C16orf78: variants seen among roughly 807,000 people sequenced by gnomAD.
C16orf78 encodes chromosome 16 open reading frame 78, also known as uncharacterized protein C16orf78.
In C16orf78, 19 loss-of-function variants were observed where a neutral mutation model predicts 27.3. The ratio of observed to expected loss-of-function variants is 0.70; its 90% CI spans 0.49 to 1.02. The LOEUF is 1.02. C16orf78 is among the 50% of genes least tolerant of loss of function. The pLI, the probability that C16orf78 is intolerant of heterozygous loss-of-function variation, is 0.00. For synonymous variants in C16orf78, 130 were observed against 116.1 expected, an observed-to-expected ratio of 1.12 and a Z score of -0.77; for missense variants, 339 against 337.0, an observed-to-expected ratio of 1.01 and a Z score of -0.05.
At chr16:49,397,167 G>C (rs921134927) in intron 4 of C16orf78, among the ~76,000 whole-genome samples, 1 of 152,118 alleles carries the variant, frequency 6.6e-6, no homozygotes, top group Non-Finnish European at 1.5e-5. Context: ...TTCCCAAAGA[G>C]TCTCCCTTCT....
At chr16:49,389,484 T>C (rs1965387898) in intron 3 of C16orf78, among the ~76,000 whole-genome samples, 1 of 150,816 alleles carries the variant, frequency 6.6e-6, no homozygotes. Context: ...TAATCCCAGC[T>C]ACTCAGGAGG....
chr16:49,399,002 T>C, intron 4 of C16orf78, 129 bp from the exon 5 acceptor site: 1 of 988,572 alleles, frequency 1.0e-6, no homozygotes, highest in South Asian at 1.6e-5. Flanking sequence ...GCTCCATGGA[T>C]GACTGGGAGA....
intron 4 of C16orf78, among the ~76,000 whole-genome samples, chr16:49,397,069 C>T (rs1965484890): frequency 6.6e-6 from 1 of 152,204 alleles, no homozygotes; most frequent in African/African-American, 2.4e-5. Context: ...AGCCACCATC[C>T]TCAGTGACCT....
At position 49,399,381 on chromosome 16, in the gene C16orf78, C is replaced by A; in HGVS notation, c.*103C>A. On this transcript the variant is annotated 3_prime_UTR_variant, in exon 5 of 5. Transcript: ENST00000299191. Reference sequence around the variant, plus strand: ...TACAAGTGGTCCTTCCAACTTAGTGCATCCCTTTAGAAAGTAAGCAATCAG... The same window carrying A: ...TACAAGTGGTCCTTCCAACTTAGTGAATCCCTTTAGAAAGTAAGCAATCAG... The A allele has an allele frequency of 7.4e-7, 1 of 1,360,498 alleles. No individual in the cohort carries two copies. Among genetic ancestry groups the A allele is most frequent in the Non-Finnish European group, 1.0e-6 (1 of 986,224 alleles). 84.3% of individuals were successfully genotyped at this position (1,360,498 alleles called of 1,614,324 possible). A position where few individuals can be genotyped will look rare whatever the true frequency, so the allele number is the denominator to read the frequency against.
intron 1 of C16orf78, among the ~76,000 whole-genome samples, chr16:49,375,307 T>C (rs1478611897): frequency 6.6e-6 from 1 of 151,828 alleles, no homozygotes; most frequent in East Asian, 1.9e-4. Context: ...TACAAAGAAA[T>C]ACCTGAGACT....
At chr16:49,377,548 C>G (rs1236411544) in intron 1 of C16orf78, among the ~76,000 whole-genome samples, 183 bp from the exon 2 acceptor site, 2 of 152,082 alleles carry the variant, frequency 1.3e-5, no homozygotes, top group South Asian at 4.2e-4. Flanking sequence ...CTGGGGGCGG[C>G]GACATGTATA....
chr16:49,391,831 G>A (rs1965416201), intron 3 of C16orf78, among the ~76,000 whole-genome samples: 1 of 152,098 alleles, frequency 6.6e-6, no homozygotes, highest in African/African-American at 2.4e-5. Context: ...TTTCTCCAAG[G>A]AATTTCCTTA....
chr16:49,381,553 C>T (rs1965287732), intron 3 of C16orf78, among the ~76,000 whole-genome samples: 1 of 151,756 alleles, frequency 6.6e-6, no homozygotes, highest in Non-Finnish European at 1.5e-5. Flanking sequence ...ACAATGAACT[C>T]AAACAAATTT....
Position 49,377,838 on chromosome 16 carries a change from G to C in C16orf78, c.258G>C (p.Glu86Asp). Residue 86 changes from glutamate (E) to aspartate (D), a missense_variant, in exon 2 of 5, where the codon GAG becomes GAC. Physicochemically the swap from Glu to Asp is conservative, Grantham distance 45. Transcript: ENST00000299191. The stretch of plus-strand genomic sequence containing the variant: ...GGGGAGGGAACCGCAGGGACACGGA[G>C]ACTTCCCAGCAGGTAATGCAGCCCC... Reference protein sequence around the residue: ...TARGGNRRDTETSQQALGKRF... With the variant: ...TARGGNRRDTDTSQQALGKRF... The C allele has an allele frequency of 6.3e-7, 1 of 1,576,526 alleles. No homozygotes were observed. Among genetic ancestry groups the C allele is most frequent in the Non-Finnish European group, 8.6e-7 (1 of 1,159,846 alleles).
rs917525747 is a variant in C16orf78 at position 49,390,973 on chromosome 16, G to T, written c.395-5450G>T. ...GGATCACTTCCCTGTGTTGTGTGTT[G>T]TCCGATGTCTTAAAACCGCTATTTC... On this transcript the variant is annotated intron_variant, in intron 3 of 4. Coordinates refer to ENST00000299191, the MANE Select transcript of C16orf78 (RefSeq NM_144602.4). 1.6e-4 allele frequency among the ~76,000 whole-genome samples: 24 copies of T among 152,222 alleles called. No homozygotes were observed. The East Asian group carries it at 2.7e-3, about 17-fold the overall frequency.
chr16:49,399,331 C>T lies in C16orf78; in HGVS notation c.*53C>T. ...CTCCTTCTGTCATGGGACCCTTCAC[C>T]TCCAGATGCCATCCTCTGGCACACT... On this transcript the variant is annotated 3_prime_UTR_variant, in exon 5 of 5. Coordinates refer to ENST00000299191, the MANE Select transcript of C16orf78 (RefSeq NM_144602.4). 4 of 1,593,444 alleles carry T rather than the reference C, an allele frequency of 2.5e-6. No homozygotes were observed. Among genetic ancestry groups the T allele is most frequent in the Non-Finnish European group, 2.6e-6 (3 of 1,166,114 alleles).
intron 3 of C16orf78, among the ~76,000 whole-genome samples, chr16:49,380,136 C>A (rs570581007): frequency 6.6e-6 from 1 of 152,294 alleles, no homozygotes; most frequent in South Asian, 2.1e-4. Context: ...GGCTCTCGGG[C>A]TTTTGGCCAC....
chr16:49,390,598 A>G (rs1013474760), intron 3 of C16orf78, among the ~76,000 whole-genome samples: 1 of 152,174 alleles, frequency 6.6e-6, no homozygotes, highest in Admixed American at 6.5e-5. Context: ...TCTCTTCTTA[A>G]TGTGACCCTG....
At chr16:49,397,350 A>G (rs1436974040) in intron 4 of C16orf78, among the ~76,000 whole-genome samples, 1 of 152,244 alleles carries the variant, frequency 6.6e-6, no homozygotes, top group Non-Finnish European at 1.5e-5. Flanking sequence ...ACAACAGAGT[A>G]ATGTAGTTGT....
chr16:49,385,996 C>G (rs776092469), intron 3 of C16orf78, among the ~76,000 whole-genome samples: 13 of 152,140 alleles, frequency 8.5e-5, no homozygotes, highest in Non-Finnish European at 1.5e-4. Context: ...TAAGGACACA[C>G]ACAGCCTGAA....
chr16:49,375,870 T>G (rs996384823), intron 1 of C16orf78, among the ~76,000 whole-genome samples: 9 of 152,238 alleles, frequency 5.9e-5, no homozygotes, highest in African/African-American at 2.2e-4. Flanking sequence ...TTACATTCAC[T>G]TCCCTGGTTA....
intron 3 of C16orf78, among the ~76,000 whole-genome samples, chr16:49,379,270 T>A (rs1965259419): frequency 6.6e-6 from 1 of 152,142 alleles, no homozygotes; most frequent in South Asian, 2.1e-4. Context: ...TAGTGGTTTT[T>A]TTCTAAGTAA....
intron 3 of C16orf78, among the ~76,000 whole-genome samples, chr16:49,392,089 C>T (rs563958747): frequency 6.6e-5 from 10 of 152,148 alleles, no homozygotes; most frequent in Non-Finnish European, 1.3e-4. Flanking sequence ...GAGGTCTAGA[C>T]GCATTTCCAC....
chr16:49,396,746 T>C, intron 4 of C16orf78, 68 bp downstream of exon 4: 1 of 1,544,436 alleles, frequency 6.5e-7, no homozygotes, highest in Non-Finnish European at 8.7e-7. Context: ...CTCTTGTCCC[T>C]GGCTCAAACA....
Sources: allele counts gnomAD v4.1 joint callset (sites outside exome capture counted in the v4.1 genomes callset), GRCh38; gene constraint gnomAD v4.1.1; transcripts MANE v1.5; gene names NCBI Gene and HGNC (gene_info 2026-07-23, HGNC 2026-07-21).